CACNA2D1: variants seen among roughly 807,000 people sequenced by gnomAD.
The protein encoded by CACNA2D1 is calcium voltage-gated channel auxiliary subunit alpha2delta 1.
A neutral mutation model predicts 171.5 loss-of-function variants in CACNA2D1; 53 were observed. The observed-to-expected ratio is 0.31, with a 90% CI of 0.25 to 0.39. CACNA2D1 has a LOEUF of 0.39. Ranked by LOEUF, CACNA2D1 falls within the 10% of genes least tolerant of loss-of-function variation. The pLI is 1.00. For synonymous variants in CACNA2D1, 442 were observed against 443.1 expected (o/e 1.00, Z 0.03); for missense variants, 903 against 1,299.8 (o/e 0.69, Z 4.69).
In CACNA2D1 at chr7:82,038,161, C is replaced by T; in HGVS notation, c.954G>A (p.Leu318=). ...VQANVRNKKV[L]KDAVNNITAK... ...CTGTGATATTATTCACCGCGTCTTT[C>T]AACACTTTTTTATTTCTTACATTTG... Residue 318 remains leucine, a synonymous_variant, in exon 11 of 39, where the codon TTG becomes TTA. Coordinates refer to ENST00000356860, the MANE Select transcript of CACNA2D1 (RefSeq NM_000722.4). The T allele has an allele frequency of 6.2e-7, 1 of 1,613,730 alleles. No homozygotes were observed. The highest frequency in any genetic ancestry group is 1.7e-5 in the Admixed American group (1 of 60,010).
intron 1 of CACNA2D1, among the ~76,000 whole-genome samples, chr7:82,375,830 T>TA (rs1822961028): frequency 6.6e-6 from 1 of 152,168 alleles, no homozygotes; most frequent in South Asian, 2.1e-4. Flanking sequence ...CAGCATGTCT[T>TA]TGAGGTCTCT....
chr7:82,435,580 A>C (rs1246942637), intron 1 of CACNA2D1, among the ~76,000 whole-genome samples: 1 of 152,088 alleles, frequency 6.6e-6, no homozygotes, highest in African/African-American at 2.4e-5. Flanking sequence ...CTTCTACTTC[A>C]TACCTGCTTC....
chr7:81,956,997 T>C (rs1042031514), intron 38 of CACNA2D1, among the ~76,000 whole-genome samples: 1 of 152,146 alleles, frequency 6.6e-6, no homozygotes, highest in Non-Finnish European at 1.5e-5. Context: ...GAAGCACTTA[T>C]TCTAAAATAT....
At chr7:82,419,483 A>G (rs1828518110) in intron 1 of CACNA2D1, among the ~76,000 whole-genome samples, 1 of 152,216 alleles carries the variant, frequency 6.6e-6, no homozygotes, top group South Asian at 2.1e-4. Flanking sequence ...TTTCTGCTAA[A>G]GACATGTTTC....
At chr7:82,027,034 T>C (rs773675699) in intron 12 of CACNA2D1, among the ~76,000 whole-genome samples, 1 of 151,662 alleles carries the variant, frequency 6.6e-6, no homozygotes, top group Non-Finnish European at 1.5e-5. Context: ...GAGAAGAGAA[T>C]AGTGGTTATC....
intron 6 of CACNA2D1, among the ~76,000 whole-genome samples, chr7:82,096,497 T>C (rs534905293): frequency 6.6e-6 from 1 of 151,978 alleles, no homozygotes; most frequent in South Asian, 2.1e-4. Context: ...TTCTCAGGAA[T>C]ATCCTCTCTG....
chr7:82,248,935 G>GT (rs1805277258), intron 3 of CACNA2D1, among the ~76,000 whole-genome samples: 2 of 152,070 alleles, frequency 1.3e-5, no homozygotes, highest in Non-Finnish European at 2.9e-5. Context: ...GGCTAATACG[G>GT]TGAAACCCTG....
intron 1 of CACNA2D1, among the ~76,000 whole-genome samples, chr7:82,416,444 A>G (rs1329160812): frequency 1.3e-5 from 2 of 151,984 alleles, no homozygotes; most frequent in African/African-American, 4.8e-5. Flanking sequence ...AACAACATAA[A>G]TGTATTGTCT....
In CACNA2D1 at chr7:82,170,619, A is replaced by G; in HGVS notation, c.295-10T>C. ...CTTCCAATGCCAGGCGCTGAAAAAC[A>G]AACAATAAATCTTAGAATTCAAATG... On this transcript the variant is annotated splice_polypyrimidine_tract_variant and intron_variant, in intron 3 of 38. Transcript: ENST00000356860. 1.9e-6 allele frequency: 3 copies of G among 1,611,746 alleles called. No homozygotes were observed. Among genetic ancestry groups the G allele is most frequent in the Non-Finnish European group, 2.5e-6 (3 of 1,178,336 alleles).
intron 18 of CACNA2D1, 148 bp from the exon 19 acceptor site, chr7:81,997,398 A>T (rs958147852): frequency 1.9e-5 from 7 of 366,958 alleles, no homozygotes; most frequent in Admixed American, 8.2e-5. Flanking sequence ...TATATATTTT[A>T]TATATATATA....
intron 3 of CACNA2D1, among the ~76,000 whole-genome samples, chr7:82,215,991 C>T (rs1235536474): frequency 3.3e-5 from 5 of 152,040 alleles, no homozygotes; most frequent in African/African-American, 1.2e-4. Flanking sequence ...TTAATTGTGC[C>T]TCAGAAAATA....
At chr7:81,983,452 G>T (rs1796642224) in intron 22 of CACNA2D1, 118 bp from the exon 23 acceptor site, 5 of 788,490 alleles carry the variant, frequency 6.3e-6, no homozygotes, top group Non-Finnish European at 8.7e-6. Context: ...ATTGTGCATA[G>T]ATCAAAGGTT....
chr7:82,230,561 A>G (rs1233809190), intron 3 of CACNA2D1, among the ~76,000 whole-genome samples: 1 of 152,216 alleles, frequency 6.6e-6, no homozygotes, highest in Non-Finnish European at 1.5e-5. Context: ...AACGCGCAAG[A>G]ATCATGTATT....
chr7:81,966,949 T>A (rs1794760110), intron 31 of CACNA2D1, among the ~76,000 whole-genome samples: 1 of 151,444 alleles, frequency 6.6e-6, no homozygotes, highest in African/African-American at 2.4e-5. Flanking sequence ...ATGACCATTT[T>A]TTTACCTTCC....
chr7:82,196,986 A>G (rs1368969778), intron 3 of CACNA2D1, among the ~76,000 whole-genome samples: 2 of 152,046 alleles, frequency 1.3e-5, no homozygotes, highest in East Asian at 1.9e-4. Flanking sequence ...TTTCTGAGGA[A>G]AAGTATCCTT....
chr7:82,235,168 A>T (rs374789104), intron 3 of CACNA2D1, among the ~76,000 whole-genome samples: 1 of 152,184 alleles, frequency 6.6e-6, no homozygotes, highest in African/African-American at 2.4e-5. Flanking sequence ...TAAAATTACA[A>T]AACAGTTGGA....
At position 81,950,283 on chromosome 7, in the gene CACNA2D1, C is replaced by G. The variant is rs1792368507; in HGVS notation, c.*109G>C. The G allele has an allele frequency of 6.9e-6, 11 of 1,601,958 alleles. No homozygotes were observed. The highest frequency in any genetic ancestry group is 1.7e-4 in the Middle Eastern group (1 of 5,786). ...GTGTTATGCCATGGAACAGGCCCAG[C>G]TAATGTTTGTCTGATTTTATAGCTG... On this transcript the variant is annotated 3_prime_UTR_variant, in exon 39 of 39. Coordinates refer to ENST00000356860, the MANE Select transcript of CACNA2D1 (RefSeq NM_000722.4).
chr7:82,076,521 T>C (rs1808986196), intron 7 of CACNA2D1, among the ~76,000 whole-genome samples: 1 of 152,166 alleles, frequency 6.6e-6, no homozygotes, highest in East Asian at 1.9e-4. Context: ...TAAATTCATG[T>C]TTTTAAAAAA....
intron 4 of CACNA2D1, among the ~76,000 whole-genome samples, chr7:82,138,634 G>A (rs1791996125): frequency 6.6e-6 from 1 of 151,974 alleles, no homozygotes; most frequent in Admixed American, 6.6e-5. Flanking sequence ...TTTTAGTACA[G>A]ATGGGGTTTT....
Sources: allele counts gnomAD v4.1 joint callset (sites outside exome capture counted in the v4.1 genomes callset), GRCh38; gene constraint gnomAD v4.1.1; transcripts MANE v1.5; gene names NCBI Gene and HGNC (gene_info 2026-07-23, HGNC 2026-07-21).